Variants in CETP observed in about 807,000 individuals in gnomAD.
The protein encoded by CETP is BPI fold containing family F.
In CETP, 56 loss-of-function variants were observed where a neutral mutation model predicts 66.5. That is an observed-to-expected ratio of 0.84 (90% CI 0.68 to 1.05). The LOEUF is 1.05. CETP is among the 50% of genes least tolerant of loss of function. The pLI is 0.00. For missense variants in CETP, 612 were observed against 609.6 expected, an observed-to-expected ratio of 1.00 and a Z score of -0.04; for synonymous variants, 251 against 245.7, an observed-to-expected ratio of 1.02 and a Z score of -0.20.
intron 11 of CETP, among the ~76,000 whole-genome samples, chr16:56,978,678 G>T (rs2056167761): frequency 6.6e-6 from 1 of 152,114 alleles, no homozygotes; most frequent in African/African-American, 2.4e-5. Flanking sequence ...TAGAGGCGGG[G>T]TCTTGTTATG....
intron 9 of CETP, among the ~76,000 whole-genome samples, chr16:56,974,409 A>T (rs1187438433): frequency 6.6e-6 from 1 of 152,224 alleles, no homozygotes; most frequent in East Asian, 1.9e-4. Flanking sequence ...TGATGGCACC[A>T]CTGCACTCCA....
chr16:56,983,403 A>G lies in CETP; in HGVS notation c.1399A>G (p.Thr467Ala). 6.2e-7 allele frequency: 1 copy of G among 1,614,000 alleles called. No individual in the cohort carries two copies. The highest frequency in any genetic ancestry group is 8.5e-7 in the Non-Finnish European group (1 of 1,179,962). The change falls in exon 15 of 16, where the codon ACT becomes GCT. Residue 467 changes from threonine (T) to alanine (A), a missense_variant. Transcript: ENST00000200676. ...CGACATCATCAACCCTGAGATTATC[A>G]CTCGAGATGTGAGTACAAAGCCCCC... ...LFDIINPEII[T>A]RDGFLLLQMD...
intron 10 of CETP, among the ~76,000 whole-genome samples, chr16:56,976,509 T>C (rs2056151162): frequency 6.6e-6 from 1 of 151,838 alleles, no homozygotes; most frequent in Non-Finnish European, 1.5e-5. Context: ...TCTTGCTCTG[T>C]GGCCCAGGCT....
In CETP at chr16:56,982,184, A is replaced by G; in HGVS notation, c.1268A>G (p.Gln423Arg). Residue 423 changes from glutamine to arginine, a missense_variant, in exon 14 of 16, where the codon CAG (glutamine) becomes CGG (arginine). Gln to Arg is a conservative substitution (Grantham distance 43). Coordinates refer to ENST00000200676, the MANE Select transcript of CETP (RefSeq NM_000078.3). ...NLTESSSESVQSFLQSMITAV... is the reference protein window; with the variant it reads ...NLTESSSESVRSFLQSMITAV... ...TGGCAGAGCAGCTCCGAGTCCGTCC[A>G]GAGCTTCCTGCAGTCAATGATCACC... The G allele has an allele frequency of 6.2e-7, 1 of 1,614,154 alleles. No individual in the cohort carries two copies. Among genetic ancestry groups the G allele is most frequent in the Non-Finnish European group, 8.5e-7 (1 of 1,179,976 alleles).
intron 10 of CETP, among the ~76,000 whole-genome samples, chr16:56,976,489 T>A (rs1185325373): frequency 4.6e-5 from 7 of 151,678 alleles, no homozygotes; most frequent in Non-Finnish European, 8.8e-5. Context: ...TTTTTTTTTT[T>A]AAGACAGAGT....
intron 10 of CETP, among the ~76,000 whole-genome samples, chr16:56,975,458 T>C (rs1167425960): frequency 6.6e-6 from 1 of 152,162 alleles, no homozygotes; most frequent in East Asian, 1.9e-4. Context: ...CATTCCCTGC[T>C]CCATTTCCCA....
intron 6 of CETP, 55 bp downstream of exon 6, chr16:56,971,157 T>A: frequency 6.4e-7 from 1 of 1,568,744 alleles, no homozygotes; most frequent in East Asian, 2.2e-5. Flanking sequence ...GGAGGCTGGA[T>A]CCCTTTCCTC....
chr16:56,973,381 C>G lies in CETP; in HGVS notation c.801C>G (p.Phe267Leu), dbSNP rs776459790. The G allele has an allele frequency of 6.2e-7, 1 of 1,614,196 alleles. No individual in the cohort carries two copies. The highest frequency in any genetic ancestry group is 8.5e-7 in the Non-Finnish European group (1 of 1,180,030). Residue 267 changes from phenylalanine to leucine, a missense_variant, in exon 9 of 16, where the codon TTC (phenylalanine) becomes TTG (leucine). By Grantham distance (22) the Phe-to-Leu change is conservative. Transcript: ENST00000200676. ...NVSEDLPLPT[F>L]SPTLLGDSRM... Reference sequence around the variant, plus strand: ...CAGAGGACCTCCCCCTCCCCACCTTCTCGCCCACACTGCTGGGGGACTCCC... The same window carrying G: ...CAGAGGACCTCCCCCTCCCCACCTTGTCGCCCACACTGCTGGGGGACTCCC...
intron 5 of CETP, among the ~76,000 whole-genome samples, chr16:56,970,559 G>A (rs1256985014): frequency 5.9e-5 from 9 of 152,188 alleles, no homozygotes; most frequent in African/African-American, 2.2e-4. Flanking sequence ...TTCCCAGGGT[G>A]GGGCTTTTTG....
intron 5 of CETP, among the ~76,000 whole-genome samples, 158 bp from the exon 6 acceptor site, chr16:56,970,875 C>T (rs115977647): frequency 6.6e-6 from 1 of 152,302 alleles, no homozygotes; most frequent in African/African-American, 2.4e-5. Context: ...GGGTCTGAGG[C>T]TCCGTGTTCT....
chr16:56,983,105 A>AT (rs1307665295), intron 14 of CETP, among the ~76,000 whole-genome samples: 1 of 152,014 alleles, frequency 6.6e-6, no homozygotes, highest in African/African-American at 2.4e-5. Flanking sequence ...GCAGAAGGGA[A>AT]TTTTTTTTGG....
chr16:56,973,185 G>A (rs1172108754), intron 8 of CETP, 146 bp from the exon 9 acceptor site: 5 of 815,328 alleles, frequency 6.1e-6, no homozygotes, highest in Non-Finnish European at 9.9e-6. Context: ...TGAAAGCCCC[G>A]CTGGGGGAAA....
intron 11 of CETP, among the ~76,000 whole-genome samples, chr16:56,979,438 C>T (rs1399209953): frequency 6.6e-6 from 1 of 152,192 alleles, no homozygotes; most frequent in Non-Finnish European, 1.5e-5. Context: ...TTGTAGTTTT[C>T]AGATCCTGTT....
intron 2 of CETP, among the ~76,000 whole-genome samples, chr16:56,964,779 G>T (rs1225797463): frequency 5.3e-5 from 8 of 152,224 alleles, no homozygotes. Flanking sequence ...GCTGTGGGGC[G>T]TCCCAGGTCT....
In CETP at chr16:56,971,394, C is replaced by T. The variant is rs780200801; in HGVS notation, c.658+13C>T. The T allele has an allele frequency of 1.9e-6, 3 of 1,613,026 alleles. No individual in the cohort carries two copies. The highest frequency in any genetic ancestry group is 2.5e-6 in the Non-Finnish European group (3 of 1,179,376). ...CAGACAAGGGCTGGTGAGTGCGTTT[C>T]TGTCTGCATGCCTCAGAAGACAGCA... is the stretch of plus-strand genomic sequence containing the variant. On this transcript the variant is annotated intron_variant, in intron 7 of 15. Transcript: ENST00000200676.
intron 10 of CETP, among the ~76,000 whole-genome samples, chr16:56,975,879 T>C (rs182692424): frequency 3.6e-4 from 55 of 152,104 alleles, no homozygotes; most frequent in African/African-American, 1.1e-3. Context: ...CCAACAGAAC[T>C]TCCCCCCCAC....
chr16:56,968,810 G>T (rs900023280), intron 2 of CETP, among the ~76,000 whole-genome samples: 7 of 149,682 alleles, frequency 4.7e-5, no homozygotes, highest in Non-Finnish European at 1.0e-4. Flanking sequence ...TGTTTTCACC[G>T]ATTGTTGTTT....
At chr16:56,970,886 C>T (rs2056104744) in intron 5 of CETP, 147 bp from the exon 6 acceptor site, 2 of 773,766 alleles carry the variant, frequency 2.6e-6, no homozygotes, top group Admixed American at 4.0e-5. Context: ...TCCGTGTTCT[C>T]AGCTGCAAAA....
chr16:56,966,404 CTA>C (rs1386159553), intron 2 of CETP, among the ~76,000 whole-genome samples: 1 of 152,154 alleles, frequency 6.6e-6, no homozygotes, highest in Non-Finnish European at 1.5e-5. Flanking sequence ...GCCAGAAAAA[CTA>C]TGATCTACCA....
Sources: allele counts gnomAD v4.1 joint callset (sites outside exome capture counted in the v4.1 genomes callset), GRCh38; gene constraint gnomAD v4.1.1; transcripts MANE v1.5; gene names NCBI Gene and HGNC (gene_info 2026-07-23, HGNC 2026-07-21).